The following LHFPL3 variants were observed in gnomAD, a reference collection of about 807,000 sequenced individuals.
LHFPL3 encodes the protein LHFPL tetraspan subfamily member 3.
A neutral mutation model predicts 19.3 loss-of-function variants in LHFPL3; 5 were observed. That is an observed-to-expected ratio of 0.26 (90% CI 0.14 to 0.54). The LOEUF (loss-of-function observed/expected upper bound fraction) is 0.54. LHFPL3 is among the 20% of genes least tolerant of loss of function. The probability of loss-of-function intolerance (pLI) is 0.94; values close to 1 mark genes in which losing one functional copy is unlikely to be tolerated. For synonymous variants in LHFPL3, 133 were observed against 126.2 expected, an observed-to-expected ratio of 1.05 and a Z score of -0.36; for missense variants, 249 against 307.4, an observed-to-expected ratio of 0.81 and a Z score of 1.42.
At chr7:104,814,747 G>A (rs1489330374) in intron 2 of LHFPL3, among the ~76,000 whole-genome samples, 1 of 152,236 alleles carries the variant, frequency 6.6e-6, no homozygotes, top group Non-Finnish European at 1.5e-5. Context: ...ATTCCAGAGG[G>A]GGCAGATGCA....
rs189844802 is a variant in LHFPL3, at chr7:104,614,928, T to A, written c.446-121747T>A. Among the ~76,000 whole-genome samples the A allele has an allele frequency of 6.5e-3, 987 of 151,718 alleles. 23 individuals are homozygous for A. The highest frequency in any genetic ancestry group is 0.048 in the Admixed American group (724 of 15,186). On this transcript the variant is annotated intron_variant, in intron 1 of 2. Coordinates refer to ENST00000424859, the MANE Select transcript of LHFPL3 (RefSeq NM_199000.3). ...ACAGTGATTGGCTAATTTTTAAAAA[T>A]TTTTTCATAGAGATAGAGGTCTCAC...
intron 2 of LHFPL3, among the ~76,000 whole-genome samples, chr7:104,820,993 C>G (rs904455296): frequency 6.6e-6 from 1 of 152,122 alleles, no homozygotes; most frequent in Non-Finnish European, 1.5e-5. Flanking sequence ...TTCCCCTCCC[C>G]CTAGGAACTT....
At chr7:104,690,635 C>T (rs1792889024) in intron 1 of LHFPL3, among the ~76,000 whole-genome samples, 1 of 152,194 alleles carries the variant, frequency 6.6e-6, no homozygotes, top group Admixed American at 6.5e-5. Flanking sequence ...CTAGGGGTCC[C>T]ATGGCATGGG....
intron 1 of LHFPL3, among the ~76,000 whole-genome samples, chr7:104,615,419 C>G (rs28661764): frequency 1.6e-4 from 25 of 152,156 alleles, no homozygotes; most frequent in African/African-American, 5.8e-4. Context: ...TCTCTCAAGT[C>G]TAGCCTTAGA....
At chr7:104,496,479 A>G (rs1793484513) in intron 1 of LHFPL3, among the ~76,000 whole-genome samples, 1 of 152,192 alleles carries the variant, frequency 6.6e-6, no homozygotes, top group Non-Finnish European at 1.5e-5. Context: ...CTTTGGGTAT[A>G]TACCCAGTAA....
chr7:104,672,062 T>C (rs1315657070), intron 1 of LHFPL3, among the ~76,000 whole-genome samples: 1 of 109,276 alleles, frequency 9.2e-6, no homozygotes, highest in Admixed American at 9.3e-5. Context: ...CTTCCAAGTG[T>C]GTGTGTGTGT....
intron 1 of LHFPL3, among the ~76,000 whole-genome samples, chr7:104,498,289 A>G (rs949469070): frequency 1.3e-5 from 2 of 152,180 alleles, no homozygotes; most frequent in African/African-American, 2.4e-5. Flanking sequence ...GAAATTTCCC[A>G]TGAGTCTACA....
intron 1 of LHFPL3, among the ~76,000 whole-genome samples, chr7:104,621,879 CT>C (rs1791452180): frequency 6.6e-6 from 1 of 152,192 alleles, no homozygotes; most frequent in East Asian, 1.9e-4. Context: ...AAAAATAGGC[CT>C]CTCATGCCCC....
chr7:104,648,666 A>G (rs905612064), intron 1 of LHFPL3, among the ~76,000 whole-genome samples: 12 of 152,322 alleles, frequency 7.9e-5, no homozygotes, highest in South Asian at 4.1e-4. Context: ...TATGATGTGT[A>G]CAGCGCTTAC....
chr7:104,328,769 G>A lies in LHFPL3; in HGVS notation c.-11G>A. On this transcript the variant is annotated 5_prime_UTR_variant, in exon 1 of 3. Coordinates refer to ENST00000424859, the MANE Select transcript of LHFPL3 (RefSeq NM_199000.3). The surrounding 1 kb of genome is among the most constrained non-coding windows in gnomAD (Gnocchi z 4.6). ...ACCAGGAGGAGGAGGAGGAGGAGGA[G>A]GAGGGGGAGAATGCCCGGAGCCGCC... is the stretch of plus-strand genomic sequence containing the variant. 4.5e-6 allele frequency: 7 copies of A among 1,568,302 alleles called. No homozygotes were observed. Among genetic ancestry groups the A allele is most frequent in the East Asian group, 2.4e-5 (1 of 42,210 alleles).
intron 1 of LHFPL3, among the ~76,000 whole-genome samples, chr7:104,603,141 T>TTTTTC (rs1791017086): frequency 3.2e-3 from 106 of 33,438 alleles, no homozygotes; most frequent in East Asian, 9.2e-3. Context: ...TTTTTTCCCT[T>TTTTTC]CCTTCCTTCC....
chr7:104,825,599 A>G (rs1790802428), intron 2 of LHFPL3, among the ~76,000 whole-genome samples: 1 of 151,958 alleles, frequency 6.6e-6, no homozygotes, highest in African/African-American at 2.4e-5. Flanking sequence ...AATTCAAATA[A>G]TAGTGTCTTA....
At chr7:104,522,555 G>A (rs972975734) in intron 1 of LHFPL3, among the ~76,000 whole-genome samples, 1 of 151,950 alleles carries the variant, frequency 6.6e-6, no homozygotes, top group Non-Finnish European at 1.5e-5. Flanking sequence ...AAAGAATAAA[G>A]AAAATTAGTG....
At chr7:104,434,182 C>T (rs935998385) in intron 1 of LHFPL3, among the ~76,000 whole-genome samples, 3 of 152,144 alleles carry the variant, frequency 2.0e-5, no homozygotes, top group South Asian at 4.1e-4. Flanking sequence ...AGGACTAACT[C>T]CCCTTGATTG....
At chr7:104,777,947 A>C (rs974320341) in intron 2 of LHFPL3, among the ~76,000 whole-genome samples, 1 of 152,138 alleles carries the variant, frequency 6.6e-6, no homozygotes, top group African/African-American at 2.4e-5. Flanking sequence ...GGCCTGTGCA[A>C]GATTTTATGT....
chr7:104,624,357 G>A (rs1471442491), intron 1 of LHFPL3, among the ~76,000 whole-genome samples: 1 of 152,200 alleles, frequency 6.6e-6, no homozygotes, highest in African/African-American at 2.4e-5. Context: ...AAATAAAAGA[G>A]GACATGTTGA....
rs71153193 is a variant in LHFPL3 at position 104,396,642 on chromosome 7, GAAAAA to G, written c.445+67429_445+67433del. Among the ~76,000 whole-genome samples the G allele has an allele frequency of 5.1e-5, 7 of 137,520 alleles. No individual in the cohort carries two copies. The Admixed American group carries it at 5.1e-4, about 10-fold the overall frequency. The allele number at this position is 137,520 out of a possible 152,430, so 90.2% of individuals were successfully genotyped here. Reference sequence around the variant, plus strand: ...TGCCATGAAATATGGTACAAAATTAGAAAAAAAAAAAAAAAGATAAAAAGTGTGCA... The same window carrying G: ...TGCCATGAAATATGGTACAAAATTAGAAAAAAAAAAGATAAAAAGTGTGCA... On this transcript the variant is annotated intron_variant, in intron 1 of 2. Transcript: ENST00000424859.
chr7:104,654,628 A>C (rs916987935), intron 1 of LHFPL3, among the ~76,000 whole-genome samples: 3 of 152,202 alleles, frequency 2.0e-5, no homozygotes, highest in Non-Finnish European at 4.4e-5. Context: ...CTTCTGAGTG[A>C]GGTATCTGGC....
chr7:104,552,789 A>G (rs910925662), intron 1 of LHFPL3, among the ~76,000 whole-genome samples: 3 of 152,240 alleles, frequency 2.0e-5, no homozygotes, highest in African/African-American at 4.8e-5. Context: ...ACAGAATCCA[A>G]TGAAGAAAAT....
Sources: gnomAD v4.1 joint callset for allele counts (sites outside exome capture counted in the v4.1 genomes callset) on GRCh38, gnomAD v4.1.1 for gene constraint, Gnocchi (gnomAD v3.1) non-coding constraint, MANE v1.5 for transcripts, NCBI Gene and HGNC (gene_info 2026-07-23, HGNC 2026-07-21) for gene names.